The following KCNN2 variants were observed in gnomAD, a reference collection of about 807,000 sequenced individuals.
KCNN2 encodes the protein small conductance calcium-activated potassium channel protein 2.
Under a neutral mutation model 55.5 loss-of-function variants are expected in KCNN2, and 24 were observed. The ratio of observed to expected loss-of-function variants is 0.43; its 90% CI spans 0.31 to 0.61. KCNN2 has a LOEUF of 0.61. KCNN2 is among the 20% of genes least tolerant of loss of function. KCNN2 has a pLI of 0.08. For synonymous variants in KCNN2, 431 were observed against 336.1 expected (o/e 1.28, Z -3.09); for missense variants, 754 against 853.6 (o/e 0.88, Z 1.45).
intron 1 of KCNN2, among the ~76,000 whole-genome samples, chr5:114,206,872 C>T (rs998692223): frequency 1.3e-5 from 2 of 152,012 alleles, no homozygotes; most frequent in African/African-American, 4.8e-5. Context: ...TGTTACTTCT[C>T]AACAAGTCAT....
intron 7 of KCNN2, among the ~76,000 whole-genome samples, chr5:114,494,188 A>T (rs1338343877): frequency 1.3e-5 from 2 of 151,902 alleles, no homozygotes; most frequent in East Asian, 3.9e-4. Context: ...TTAGAATAGC[A>T]TTTATATAAT....
intron 2 of KCNN2, 32 bp downstream of exon 2, chr5:114,364,033 C>G (rs1400301350): frequency 6.8e-7 from 1 of 1,480,544 alleles, no homozygotes; most frequent in African/African-American, 1.4e-5. Flanking sequence ...ATGAATGACC[C>G]AAAGCCCTAC....
intron 2 of KCNN2, among the ~76,000 whole-genome samples, chr5:114,318,788 G>A (rs1756553620): frequency 1.3e-5 from 2 of 151,898 alleles, no homozygotes; most frequent in African/African-American, 2.4e-5. Context: ...CTTCATAAAT[G>A]TTCTTCCATA....
chr5:114,137,556 C>A lies in KCNN2; in HGVS notation c.-271+81056C>A, dbSNP rs2954371. On this transcript the variant is annotated intron_variant, in intron 1 of 10. Coordinates refer to the KCNN2 transcript ENST00000512097. Reference sequence around the variant, plus strand: ...AAGTAAATTAAATAATAAAGTACTTCGCATAGCATTATGAAGCCTAGATAT... The same window carrying A: ...AAGTAAATTAAATAATAAAGTACTTAGCATAGCATTATGAAGCCTAGATAT... 3.1e-3 allele frequency among the ~76,000 whole-genome samples: 463 copies of A among 149,844 alleles called. 2 individuals are homozygous for A. The highest frequency in any genetic ancestry group is 0.011 in the African/African-American group (443 of 40,696).
chr5:114,224,941 A>G (rs2112596760), intron 2 of KCNN2, among the ~76,000 whole-genome samples: 1 of 152,262 alleles, frequency 6.6e-6, no homozygotes, highest in African/African-American at 2.4e-5. Flanking sequence ...TAGATAGTAA[A>G]ACTTTCTAAT....
intron 2 of KCNN2, among the ~76,000 whole-genome samples, chr5:114,258,298 A>G (rs1171749020): frequency 1.3e-5 from 2 of 152,070 alleles, no homozygotes; most frequent in African/African-American, 4.8e-5. Flanking sequence ...ATTACTCTGT[A>G]GTTTTTTACT....
chr5:114,215,435 T>C (rs1561526119), intron 1 of KCNN2, among the ~76,000 whole-genome samples: 1 of 152,152 alleles, frequency 6.6e-6, no homozygotes, highest in Non-Finnish European at 1.5e-5. Context: ...ATATTCCTTA[T>C]ACTTGGTGAC....
At chr5:114,449,261 C>G (rs1313870894) in intron 3 of KCNN2, among the ~76,000 whole-genome samples, 3 of 152,080 alleles carry the variant, frequency 2.0e-5, no homozygotes, top group Non-Finnish European at 4.4e-5. Flanking sequence ...CAGTCTTTGT[C>G]ATACTAGTTA....
intron 1 of KCNN2, among the ~76,000 whole-genome samples, chr5:114,149,585 A>G (rs574089373): frequency 2.6e-5 from 4 of 152,250 alleles, no homozygotes; most frequent in South Asian, 4.1e-4. Context: ...TCATTTGATT[A>G]TGAGGTGAGA....
chr5:114,148,007 A>C (rs1335787247), intron 1 of KCNN2, among the ~76,000 whole-genome samples: 1 of 152,156 alleles, frequency 6.6e-6, no homozygotes, highest in Non-Finnish European at 1.5e-5. Context: ...GAATGTAATT[A>C]TTTTTAAAAA....
chr5:114,069,212 C>T (rs184866592), intron 1 of KCNN2, among the ~76,000 whole-genome samples: 1 of 152,244 alleles, frequency 6.6e-6, no homozygotes, highest in East Asian at 1.9e-4. Context: ...AGCAGCCAGC[C>T]CTGGCTTTGG....
intron 5 of KCNN2, chr5:114,486,735 G>A (rs1023553898): frequency 1.1e-4 from 144 of 1,295,840 alleles, no homozygotes; most frequent in Non-Finnish European, 1.4e-4. Context: ...TGCAATACAC[G>A]GTGGAGAACT....
intron 2 of KCNN2, among the ~76,000 whole-genome samples, chr5:114,356,095 G>A (rs1757289325): frequency 6.6e-6 from 1 of 152,132 alleles, no homozygotes; most frequent in Admixed American, 6.5e-5. Flanking sequence ...CAGCTGTGAA[G>A]AAGAGCTAGC....
intron 6 of KCNN2, among the ~76,000 whole-genome samples, chr5:114,491,085 G>A (rs987194276): frequency 1.3e-5 from 2 of 152,118 alleles, no homozygotes; most frequent in African/African-American, 4.8e-5. Flanking sequence ...TTCCAGATTA[G>A]TAGAAAATAA....
At chr5:114,336,074 G>A (rs972277491) in intron 2 of KCNN2, among the ~76,000 whole-genome samples, 6 of 152,176 alleles carry the variant, frequency 3.9e-5, no homozygotes, top group Non-Finnish European at 7.3e-5. Context: ...TAATTGATGT[G>A]GTTCAAAGCT....
intron 1 of KCNN2, among the ~76,000 whole-genome samples, chr5:114,140,702 C>A (rs1173811425): frequency 6.7e-6 from 1 of 149,758 alleles, no homozygotes. Flanking sequence ...AAATATAAAA[C>A]CAAAAATGTT....
At position 114,362,921 on chromosome 5, in the gene KCNN2, C is replaced by A. The variant is rs574107960; in HGVS notation, c.782C>A (p.Pro261Gln). The change falls in exon 1 of 8, where the codon CCG becomes CAG. Residue 261 changes from proline (P) to glutamine (Q), a missense_variant. By Grantham distance (76) the Pro-to-Gln change is moderately conservative (BLOSUM62 -1). Coordinates refer to ENST00000673685, the MANE Select transcript of KCNN2 (RefSeq NM_021614.4). ...SVGGGGGASS[P>Q]SAAAAAAAAV... The stretch of plus-strand genomic sequence containing the variant: ...GGAGGAGGTGGCGGCGCGTCCTCCC[C>A]GTCTGCAGCCGCTGCCGCCGCCGCC... 11 of 1,572,130 alleles carry A rather than the reference C, an allele frequency of 7.0e-6. No homozygotes were observed. In the African/African-American group the frequency reaches 1.3e-4, roughly 18 times the overall value.
chr5:114,448,359 A>G (rs1312425720), intron 3 of KCNN2, among the ~76,000 whole-genome samples: 1 of 152,092 alleles, frequency 6.6e-6, no homozygotes, highest in African/African-American at 2.4e-5. Flanking sequence ...TGATGGTTTG[A>G]GTTTGAGACA....
chr5:114,272,562 C>G (rs536406699), intron 2 of KCNN2, among the ~76,000 whole-genome samples: 1 of 152,222 alleles, frequency 6.6e-6, no homozygotes, highest in Non-Finnish European at 1.5e-5. Context: ...AGGGCTAATA[C>G]TAAATGCTCT....
Sources: gnomAD v4.1 joint callset for allele counts (sites outside exome capture counted in the v4.1 genomes callset) on GRCh38, gnomAD v4.1.1 for gene constraint, MANE v1.5 for transcripts, NCBI Gene and HGNC (gene_info 2026-07-23, HGNC 2026-07-21) for gene names.